Variants in PRIM2 observed in about 807,000 individuals in gnomAD.
The protein encoded by PRIM2 is DNA primase subunit 2.
In PRIM2, 39 loss-of-function variants were observed where a neutral mutation model predicts 67.3. The ratio of observed to expected loss-of-function variants is 0.58; its 90% CI spans 0.45 to 0.76. The LOEUF is 0.76. Ranked by LOEUF, PRIM2 falls within the 30% of genes least tolerant of loss-of-function variation. The pLI, the probability that PRIM2 is intolerant of heterozygous loss-of-function variation, is 0.00. For synonymous variants in PRIM2, 143 were observed against 198.7 expected (o/e 0.72, Z 2.36); for missense variants, 398 against 598.7 (o/e 0.66, Z 3.50).
At chr6:57,528,743 C>T (rs1648285631) in intron 8 of PRIM2, among the ~76,000 whole-genome samples, 1 of 152,202 alleles carries the variant, frequency 6.6e-6, no homozygotes, top group African/African-American at 2.4e-5. Context: ...CTAGTACTTC[C>T]CAGCTGGATG....
At chr6:57,390,296 T>C (rs1203808606) in intron 7 of PRIM2, 1 of 152,990 alleles carries the variant, frequency 6.5e-6, no homozygotes, top group Non-Finnish European at 1.5e-5. Context: ...GATGCTCAGC[T>C]GAACTTGATT....
At chr6:57,497,817 G>C (rs1377117487) in intron 7 of PRIM2, 3 of 152,100 alleles carry the variant, frequency 2.0e-5, no homozygotes, top group Non-Finnish European at 4.4e-5. Flanking sequence ...AGTGCTGTGG[G>C]CATTTGAACA....
chr6:57,591,921 G>A (rs1776288370), intron 10 of PRIM2, among the ~76,000 whole-genome samples: 1 of 151,884 alleles, frequency 6.6e-6, no homozygotes, highest in African/African-American at 2.4e-5. Flanking sequence ...AATCAACCCA[G>A]GTACCCATCA....
intron 10 of PRIM2, among the ~76,000 whole-genome samples, chr6:57,583,056 C>A (rs1438156841): frequency 6.7e-6 from 1 of 149,296 alleles, no homozygotes; most frequent in African/African-American, 2.5e-5. Context: ...TTTGTCCTTG[C>A]GATGGTTTAC....
chr6:57,536,989 A>C (rs1368146487), intron 9 of PRIM2, among the ~76,000 whole-genome samples: 1 of 152,182 alleles, frequency 6.6e-6, no homozygotes, highest in African/African-American at 2.4e-5. Flanking sequence ...GCATGAGTAC[A>C]ACTGAGGAAA....
chr6:57,639,429 C>T (rs1482996366), intron 13 of PRIM2, among the ~76,000 whole-genome samples: 1 of 151,572 alleles, frequency 6.6e-6, no homozygotes, highest in Non-Finnish European at 1.5e-5. Context: ...GATAGAGACA[C>T]AAAAAACCCT....
chr6:57,435,884 G>A (rs1184691636), intron 7 of PRIM2, among the ~76,000 whole-genome samples: 1 of 152,046 alleles, frequency 6.6e-6, no homozygotes, highest in Non-Finnish European at 1.5e-5. Flanking sequence ...GCACCAATGG[G>A]GTATATTATG....
chr6:57,223,311 G>A, the PRIM2 span, among the ~76,000 whole-genome samples: 1 of 152,184 alleles, frequency 6.6e-6, no homozygotes, highest in East Asian at 1.9e-4. Flanking sequence ...GAAGGAGTTA[G>A]CGACTAGAAG....
At chr6:57,445,591 C>T (rs186500562) in intron 7 of PRIM2, among the ~76,000 whole-genome samples, 2 of 152,140 alleles carry the variant, frequency 1.3e-5, no homozygotes, top group Admixed American at 1.3e-4. Flanking sequence ...TTTCTCACTG[C>T]CCTGTGTCCT....
chr6:57,383,075 A>G (rs992652523), intron 7 of PRIM2: 6 of 152,176 alleles, frequency 3.9e-5, no homozygotes, highest in African/African-American at 1.4e-4. Context: ...GTAACTGTTA[A>G]TATTCTTTCT....
At chr6:57,599,930 G>A (rs1299370258) in intron 10 of PRIM2, among the ~76,000 whole-genome samples, 15 of 152,178 alleles carry the variant, frequency 9.9e-5, no homozygotes, top group Admixed American at 9.8e-4. Context: ...TGAGATGACA[G>A]GTGCATGCCA....
chr6:57,454,103 G>A (rs1382192270), intron 7 of PRIM2, among the ~76,000 whole-genome samples: 96 of 152,206 alleles, frequency 6.3e-4, no homozygotes, highest in Middle Eastern at 3.4e-3. Context: ...TGATTTTCGT[G>A]TGTTGAACCA....
chr6:57,433,539 A>T (rs1771902956), intron 7 of PRIM2, among the ~76,000 whole-genome samples: 1 of 152,130 alleles, frequency 6.6e-6, no homozygotes, highest in Admixed American at 6.5e-5. Context: ...CCACTTTCGG[A>T]ATCCTTAGGG....
intron 5 of PRIM2, among the ~76,000 whole-genome samples, chr6:57,374,571 C>A (rs977509491): frequency 6.7e-6 from 1 of 148,498 alleles, no homozygotes; most frequent in Non-Finnish European, 1.5e-5. Flanking sequence ...GGATTACAGG[C>A]GTGAGCCACC....
intron 7 of PRIM2, among the ~76,000 whole-genome samples, chr6:57,491,730 C>T (rs1442521192): frequency 5.9e-5 from 9 of 152,132 alleles, no homozygotes; most frequent in Non-Finnish European, 1.2e-4. Flanking sequence ...CATTTAGGCT[C>T]ACAGGCACCA....
chr6:57,236,749 C>A, the PRIM2 span, among the ~76,000 whole-genome samples: 2 of 152,178 alleles, frequency 1.3e-5, no homozygotes, highest in Non-Finnish European at 2.9e-5. Context: ...ATGAACTCAT[C>A]CTTTTTTATG....
chr6:57,297,134 G>T, the PRIM2 span, among the ~76,000 whole-genome samples: 95,042 of 152,030 alleles, frequency 0.63, 31,382 homozygotes, highest in African/African-American at 0.83. Context: ...TTCACAAATA[G>T]AGAAGAAGTG....
intron 8 of PRIM2, among the ~76,000 whole-genome samples, chr6:57,512,849 G>T (rs1164666333): frequency 6.6e-6 from 1 of 151,920 alleles, no homozygotes; most frequent in East Asian, 1.9e-4. Flanking sequence ...TGCCTGCCTC[G>T]GCCTCCCAAA....
At chr6:57,286,336 C>T in the PRIM2 span, among the ~76,000 whole-genome samples, 1 of 152,188 alleles carries the variant, frequency 6.6e-6, no homozygotes, top group East Asian at 1.9e-4. Context: ...CTGGAGGCAT[C>T]ATGCTACCTG....
Sources: allele counts gnomAD v4.1 joint callset (sites outside exome capture counted in the v4.1 genomes callset), GRCh38; gene constraint gnomAD v4.1.1; transcripts MANE v1.5; gene names NCBI Gene and HGNC (gene_info 2026-07-23, HGNC 2026-07-21).